INO80D: variants seen among roughly 807,000 people sequenced by gnomAD.
INO80D encodes the protein INO80 complex subunit D.
INO80D carries 21 observed loss-of-function variants against 87.6 expected under a neutral mutation model. That is an observed-to-expected ratio of 0.24 (90% CI 0.17 to 0.35). INO80D has a LOEUF of 0.35. Ranked by LOEUF, INO80D falls within the 10% of genes least tolerant of loss-of-function variation. INO80D has a pLI of 1.00. For synonymous variants in INO80D, 440 were observed against 491.0 expected, an observed-to-expected ratio of 0.90 and a Z score of 1.37; for missense variants, 982 against 1,280.7, an observed-to-expected ratio of 0.77 and a Z score of 3.56.
At position 205,995,635 on chromosome 2, in the gene INO80D, A is replaced by G. The variant is rs1244230999; in HGVS notation, c.*8733T>C. ...TACTCCCACAATATATACTAGAGAC[A>G]TACTGTGTGAGTACATACGAAAGCA... On this transcript the variant is annotated 3_prime_UTR_variant, in exon 11 of 11. Transcript: ENST00000403263. 6.6e-6 allele frequency: 1 copy of G among 152,162 alleles called. No homozygotes were observed. Among genetic ancestry groups the G allele is most frequent in the Non-Finnish European group, 1.5e-5 (1 of 68,008 alleles). The allele number at this position is 152,162 out of a possible 1,614,324, so 9.4% of individuals were successfully genotyped here. A position where few individuals can be genotyped will look rare whatever the true frequency, so the allele number is the denominator to read the frequency against.
intron 1 of INO80D, among the ~76,000 whole-genome samples, chr2:206,064,121 T>C (rs757053155): frequency 1.3e-5 from 2 of 152,202 alleles, no homozygotes; most frequent in South Asian, 2.1e-4. Flanking sequence ...ACCACACTTA[T>C]ATCATTCATT....
chr2:206,045,763 GT>G (rs1026989078), intron 5 of INO80D, among the ~76,000 whole-genome samples: 11 of 152,006 alleles, frequency 7.2e-5, no homozygotes, highest in Middle Eastern at 3.2e-3. Context: ...ATGGATCAAT[GT>G]TGCAGAAGAT....
Position 206,005,229 on chromosome 2 carries a change from C to T in INO80D, c.2223G>A (p.Leu741=), listed in dbSNP as rs202133649. The stretch of plus-strand genomic sequence containing the variant: ...CTGCCAGGGGTGTAGGTGGGTTTGA[C>T]AAGGTAGCAGAACGGAGCAGGTTCT... ...LDENLLRSAT[L]SNPPTPLAGQ... Residue 741 remains leucine (L), a synonymous_variant, in exon 11 of 11, where the codon TTG becomes TTA. Coordinates refer to ENST00000403263, the MANE Select transcript of INO80D (RefSeq NM_017759.5). 585 of 1,613,984 alleles carry T rather than the reference C, an allele frequency of 3.6e-4. 7 individuals are homozygous for T. In the South Asian group the frequency reaches 3.7e-3, roughly 10 times the overall value.
chr2:206,048,993 A>G (rs1318127625), intron 4 of INO80D, among the ~76,000 whole-genome samples: 2 of 152,236 alleles, frequency 1.3e-5, no homozygotes, highest in Non-Finnish European at 2.9e-5. Context: ...GGGACTATGT[A>G]AGTTTAATAT....
At chr2:206,035,901 A>G (rs1688879699) in intron 5 of INO80D, among the ~76,000 whole-genome samples, 2 of 152,142 alleles carry the variant, frequency 1.3e-5, no homozygotes, top group Admixed American at 6.6e-5. Context: ...AACAATCCCA[A>G]TAAAAAGTGG....
chr2:206,010,011 C>T (rs1688127427), intron 8 of INO80D, among the ~76,000 whole-genome samples: 1 of 151,894 alleles, frequency 6.6e-6, no homozygotes, highest in South Asian at 2.1e-4. Flanking sequence ...AAATTGGTGG[C>T]ATTTTACCAT....
chr2:206,058,002 C>T (rs1223095538), intron 3 of INO80D, among the ~76,000 whole-genome samples: 1 of 151,662 alleles, frequency 6.6e-6, no homozygotes, highest in East Asian at 1.9e-4. Context: ...TCCTTGGTGC[C>T]TTATGTATTT....
chr2:206,060,617 A>G (rs952361918), intron 3 of INO80D, among the ~76,000 whole-genome samples: 4 of 151,040 alleles, frequency 2.6e-5, no homozygotes, highest in African/African-American at 4.9e-5. Context: ...CTGGAGTGCA[A>G]TGGCGCGATC....
Position 206,032,333 on chromosome 2 carries a change from G to A in INO80D, c.1074-3998C>T, listed in dbSNP as rs192698119. On this transcript the variant is annotated intron_variant, in intron 5 of 10. Transcript: ENST00000403263. Reference sequence around the variant, plus strand: ...ACCCACTGCCTGGAAACAGACTGGGGCTATTAGGTGGGGCATGGTGGGAGT... The same window carrying A: ...ACCCACTGCCTGGAAACAGACTGGGACTATTAGGTGGGGCATGGTGGGAGT... Among the ~76,000 whole-genome samples the A allele has an allele frequency of 3.2e-3, 489 of 152,290 alleles. 3 individuals carry two copies. Among genetic ancestry groups the A allele is most frequent in the African/African-American group, 0.011 (465 of 41,556 alleles).
At chr2:206,047,809 G>C (rs1332912964) in intron 4 of INO80D, among the ~76,000 whole-genome samples, 1 of 151,886 alleles carries the variant, frequency 6.6e-6, no homozygotes, top group Non-Finnish European at 1.5e-5. Context: ...AGATGGAAGG[G>C]TAGGATGGTA....
chr2:206,019,700 T>G, intron 7 of INO80D, 36 bp downstream of exon 7: 2 of 1,531,834 alleles, frequency 1.3e-6, no homozygotes, highest in Non-Finnish European at 1.8e-6. Flanking sequence ...TAGGTAGTAC[T>G]TTTTCAATGC....
At chr2:206,054,526 T>C (rs1192842283) in intron 4 of INO80D, among the ~76,000 whole-genome samples, 1 of 152,146 alleles carries the variant, frequency 6.6e-6, no homozygotes, top group African/African-American at 2.4e-5. Flanking sequence ...TTTTGTTTGT[T>C]TGTCTGAGAC....
chr2:206,021,984 T>C (rs372966047), intron 6 of INO80D, among the ~76,000 whole-genome samples: 79 of 152,252 alleles, frequency 5.2e-4, no homozygotes, highest in African/African-American at 1.8e-3. Flanking sequence ...GTACAATACA[T>C]TCCCTCATTT....
chr2:206,060,542 A>C (rs113554512), intron 3 of INO80D, among the ~76,000 whole-genome samples: 1,859 of 151,080 alleles, frequency 0.012, 33 homozygotes, highest in African/African-American at 0.042. Context: ...CAAAAAAAAA[A>C]AACAACAACA....
At position 205,997,858 on chromosome 2, in the gene INO80D, A is replaced by C. The variant is rs1263443320; in HGVS notation, c.*6510T>G. The C allele has an allele frequency of 2.0e-5, 3 of 152,234 alleles. No individual in the cohort carries two copies. In the East Asian group the frequency reaches 5.8e-4, roughly 29 times the overall value. 9.4% of individuals were successfully genotyped at this position (152,234 alleles called of 1,614,324 possible). A position where few individuals can be genotyped will look rare whatever the true frequency, so the allele number is the denominator to read the frequency against. On this transcript the variant is annotated 3_prime_UTR_variant, in exon 11 of 11. Coordinates refer to ENST00000403263, the MANE Select transcript of INO80D (RefSeq NM_017759.5). Reference sequence around the variant, plus strand: ...CCTCAACTAAATAAATCATGTTTCTACAATACATTCGGTTACCTTTATCTA... The same window carrying C: ...CCTCAACTAAATAAATCATGTTTCTCCAATACATTCGGTTACCTTTATCTA...
chr2:206,014,645 TA>T (rs1204967028), intron 8 of INO80D, among the ~76,000 whole-genome samples: 1 of 152,080 alleles, frequency 6.6e-6, no homozygotes, highest in Non-Finnish European at 1.5e-5. Flanking sequence ...TTTTTTTTTT[TA>T]AATTGCCCAG....
At chr2:206,021,334 C>G (rs563123945) in intron 6 of INO80D, among the ~76,000 whole-genome samples, 1 of 152,224 alleles carries the variant, frequency 6.6e-6, no homozygotes, top group African/African-American at 2.4e-5. Context: ...AAACTGTAAA[C>G]ACTGTTTATA....
Position 206,005,038 on chromosome 2 carries a change from T to C in INO80D, c.2414A>G (p.Lys805Arg), listed in dbSNP as rs1379254387. ...TCGTGAGGTGATTAGGTCATCTGCC[T>C]TGCTCAGCAGCTGGGCAGGATGTGG... Reference protein sequence around the residue: ...QRPHPAQLLSKADDLITSRQQ... With the variant: ...QRPHPAQLLSRADDLITSRQQ... Residue 805 changes from lysine (K) to arginine (R), a missense_variant, in exon 11 of 11, where the codon AAG (lysine) becomes AGG (arginine). Coordinates refer to ENST00000403263, the MANE Select transcript of INO80D (RefSeq NM_017759.5). The C allele has an allele frequency of 1.2e-6, 2 of 1,613,968 alleles. No individual in the cohort carries two copies. The highest frequency in any genetic ancestry group is 2.2e-5 in the South Asian group (2 of 91,084).
rs988313155 is a variant in INO80D, at chr2:206,001,131, T to C, written c.*3237A>G. On this transcript the variant is annotated 3_prime_UTR_variant, in exon 11 of 11. Coordinates refer to ENST00000403263, the MANE Select transcript of INO80D (RefSeq NM_017759.5). ...TACATAACCTACCCAGATGTGCAAATTGCTAAGCCATTTTTACAGAAGAAA... is the reference window on the plus strand; with the variant it reads ...TACATAACCTACCCAGATGTGCAAACTGCTAAGCCATTTTTACAGAAGAAA... 2.0e-5 allele frequency: 3 copies of C among 152,228 alleles called. No individual in the cohort carries two copies. The highest frequency in any genetic ancestry group is 4.4e-5 in the Non-Finnish European group (3 of 68,050). 9.4% of individuals were successfully genotyped at this position (152,228 alleles called of 1,614,324 possible).
Sources: gnomAD v4.1 joint callset for allele counts (sites outside exome capture counted in the v4.1 genomes callset) on GRCh38, gnomAD v4.1.1 for gene constraint, MANE v1.5 for transcripts, NCBI Gene and HGNC (gene_info 2026-07-23, HGNC 2026-07-21) for gene names.